The following COL19A1 variants were observed in gnomAD, a reference collection of about 807,000 sequenced individuals.
COL19A1 encodes collagen alpha-1(XIX) chain.
A neutral mutation model predicts 190.2 loss-of-function variants in COL19A1; 159 were observed. The ratio of observed to expected loss-of-function variants is 0.84; its 90% CI spans 0.73 to 0.95. The LOEUF (loss-of-function observed/expected upper bound fraction) is 0.95. Ranked by LOEUF, COL19A1 falls within the 40% of genes least tolerant of loss-of-function variation. The pLI, the probability that COL19A1 is intolerant of heterozygous loss-of-function variation, is 0.00. For missense variants in COL19A1, 1,418 were observed against 1,431.9 expected, an observed-to-expected ratio of 0.99 and a Z score of 0.16; for synonymous variants, 509 against 458.9, an observed-to-expected ratio of 1.11 and a Z score of -1.39.
chr6:70,177,181 C>G (rs1233337322), intron 42 of COL19A1, among the ~76,000 whole-genome samples: 3 of 152,138 alleles, frequency 2.0e-5, no homozygotes, highest in East Asian at 3.8e-4. Context: ...GATCTTCATT[C>G]ATGATGCTCT....
chr6:70,100,507 A>G (rs531265870), intron 15 of COL19A1, among the ~76,000 whole-genome samples: 1 of 150,288 alleles, frequency 6.7e-6, no homozygotes, highest in South Asian at 2.1e-4. Context: ...AAACACTACT[A>G]TTAATAATTA....
intron 11 of COL19A1, among the ~76,000 whole-genome samples, chr6:69,985,230 C>T (rs1157507768): frequency 6.6e-6 from 1 of 152,140 alleles, no homozygotes; most frequent in Admixed American, 6.6e-5. Context: ...GAATCTTTAA[C>T]TGAATAATTC....
chr6:70,052,668 T>C (rs1392426884), intron 14 of COL19A1, among the ~76,000 whole-genome samples: 2 of 152,316 alleles, frequency 1.3e-5, no homozygotes, highest in Admixed American at 1.3e-4. Flanking sequence ...AATACCTTCA[T>C]GTATCAAAAA....
At chr6:69,993,940 A>G (rs528684822) in intron 11 of COL19A1, among the ~76,000 whole-genome samples, 47 of 150,518 alleles carry the variant, frequency 3.1e-4, no homozygotes, top group African/African-American at 1.1e-3. Flanking sequence ...TTTTTTTTGC[A>G]TCTCTATTTC....
At chr6:69,989,363 C>T (rs1294592281) in intron 11 of COL19A1, among the ~76,000 whole-genome samples, 1 of 152,042 alleles carries the variant, frequency 6.6e-6, no homozygotes, top group Non-Finnish European at 1.5e-5. Flanking sequence ...TTTCGGAATC[C>T]TGTGCTTTAC....
In COL19A1 at chr6:70,048,979, A is replaced by T. The variant is rs188934352; in HGVS notation, c.1170+13040A>T. Among the ~76,000 whole-genome samples the T allele has an allele frequency of 7.8e-4, 118 of 152,056 alleles. 2 individuals carry two copies. Among genetic ancestry groups the T allele is most frequent in the African/African-American group, 2.7e-3 (112 of 41,552 alleles). ...CCCAAAGAGCGTAATTCCTCTTTCC[A>T]TTCTGACTAGAATTAATATGTTCTG... On this transcript the variant is annotated intron_variant, in intron 14 of 50. Coordinates refer to ENST00000620364, the MANE Select transcript of COL19A1 (RefSeq NM_001858.6).
At chr6:69,989,641 A>G (rs995497429) in intron 11 of COL19A1, among the ~76,000 whole-genome samples, 3 of 147,952 alleles carry the variant, frequency 2.0e-5, no homozygotes, top group Non-Finnish European at 3.0e-5. Context: ...AATGTGGCCC[A>G]GGGAAGGCAA....
chr6:70,113,274 CA>C (rs1254411103), intron 16 of COL19A1, among the ~76,000 whole-genome samples: 7 of 152,194 alleles, frequency 4.6e-5, no homozygotes, highest in Non-Finnish European at 8.8e-5. Context: ...GGGAAATTCC[CA>C]AAAGATGTCC....
At chr6:69,938,504 TA>T (rs1343636062) in intron 9 of COL19A1, among the ~76,000 whole-genome samples, 1 of 151,040 alleles carries the variant, frequency 6.6e-6, no homozygotes, top group African/African-American at 2.4e-5. Flanking sequence ...CTTTTTTTTT[TA>T]AACGGCCAAC....
At chr6:70,074,959 C>CT (rs1243297612) in intron 15 of COL19A1, among the ~76,000 whole-genome samples, 6 of 149,164 alleles carry the variant, frequency 4.0e-5, no homozygotes, top group Non-Finnish European at 5.9e-5. Flanking sequence ...AAAAAAGCAT[C>CT]TTTTTTGCTT....
chr6:70,064,884 G>T (rs1327598506), intron 14 of COL19A1, among the ~76,000 whole-genome samples: 1 of 152,050 alleles, frequency 6.6e-6, no homozygotes, highest in African/African-American at 2.4e-5. Context: ...AAAATACCTA[G>T]GAATCCAACT....
intron 9 of COL19A1, 27 bp downstream of exon 9, chr6:69,938,127 G>C: frequency 3.7e-6 from 6 of 1,603,538 alleles, no homozygotes; most frequent in Non-Finnish European, 4.3e-6. Context: ...TACTGATGGA[G>C]AAAACAGGGT....
chr6:69,884,360 C>T (rs1768771410), intron 2 of COL19A1, among the ~76,000 whole-genome samples: 3 of 150,396 alleles, frequency 2.0e-5, no homozygotes, highest in Non-Finnish European at 4.4e-5. Context: ...AAAAAAGTAT[C>T]AGACCAATGA....
chr6:69,907,111 T>A (rs868780412), intron 4 of COL19A1, among the ~76,000 whole-genome samples: 9,535 of 137,482 alleles, frequency 0.069, 236 homozygotes, highest in South Asian at 0.11. Context: ...ATTATTATTT[T>A]TTTTTTTTTT....
intron 15 of COL19A1, among the ~76,000 whole-genome samples, chr6:70,074,901 A>T (rs1189483907): frequency 6.8e-6 from 1 of 147,424 alleles, no homozygotes; most frequent in Non-Finnish European, 1.5e-5. Flanking sequence ...AGCAAGAAAA[A>T]GTCAAAAATT....
At chr6:69,878,751 A>G (rs1245002887) in intron 1 of COL19A1, among the ~76,000 whole-genome samples, 2 of 152,238 alleles carry the variant, frequency 1.3e-5, no homozygotes, top group African/African-American at 2.4e-5. Context: ...ATATTTGTAT[A>G]TCCATGTTCA....
chr6:70,028,814 C>A (rs1466141754), intron 12 of COL19A1, among the ~76,000 whole-genome samples: 1 of 152,056 alleles, frequency 6.6e-6, no homozygotes, highest in Non-Finnish European at 1.5e-5. Context: ...GACTATCATA[C>A]AGAAAGCCTT....
chr6:70,036,955 A>G (rs189065451), intron 14 of COL19A1, among the ~76,000 whole-genome samples: 1 of 152,312 alleles, frequency 6.6e-6, no homozygotes, highest in Admixed American at 6.5e-5. Context: ...AATAATTGTT[A>G]CAACTCCCAC....
chr6:69,902,033 A>G (rs951590855), intron 4 of COL19A1, among the ~76,000 whole-genome samples: 6 of 152,244 alleles, frequency 3.9e-5, no homozygotes, highest in Non-Finnish European at 8.8e-5. Flanking sequence ...ATCCATGGGT[A>G]ATCAATGTAA....
Sources: gnomAD v4.1 joint callset for allele counts (sites outside exome capture counted in the v4.1 genomes callset) on GRCh38, gnomAD v4.1.1 for gene constraint, MANE v1.5 for transcripts, NCBI Gene and HGNC (gene_info 2026-07-23, HGNC 2026-07-21) for gene names.